SHROOM2: variants seen among roughly 807,000 people sequenced by gnomAD.
The protein encoded by SHROOM2 is shroom family member 2, also known as protein Shroom2.
Under a neutral mutation model 75.9 loss-of-function variants are expected in SHROOM2, and 33 were observed. The ratio of observed to expected loss-of-function variants is 0.43; its 90% confidence interval spans 0.33 to 0.58. The LOEUF is 0.58. SHROOM2 is among the 20% of genes least tolerant of loss of function. SHROOM2 has a pLI of 0.04. For synonymous variants in SHROOM2, 655 were observed against 663.6 expected, an observed-to-expected ratio of 0.99 and a Z score of 0.20; for missense variants, 1,434 against 1,461.2, an observed-to-expected ratio of 0.98 and a Z score of 0.30.
intron 1 of SHROOM2, chrX:9,819,483 T>C (rs2083840705): frequency 3.6e-6 from 1 of 279,070 alleles, no homozygotes; most frequent in African/African-American, 2.8e-5. Flanking sequence ...GGCTTATTGG[T>C]GGCTTTATCA....
intron 2 of SHROOM2, among the ~76,000 whole-genome samples, chrX:9,875,628 C>T (rs185881774): frequency 3.6e-5 from 4 of 112,165 alleles, no homozygotes; most frequent in Admixed American, 9.4e-5. Context: ...CATAGCTATG[C>T]GTAGAAATTC....
At chrX:9,796,119 C>T (rs2083693825) in intron 1 of SHROOM2, among the ~76,000 whole-genome samples, 1 of 111,400 alleles carries the variant, frequency 9.0e-6, no homozygotes, top group African/African-American at 3.3e-5. Context: ...ATTCAAATTC[C>T]CCCTCACTTC....
In SHROOM2 at chrX:9,816,580, CCTGCTGCTGCTG is replaced by C. The variant is rs112480338; in HGVS notation, c.165+29891_165+29902del. ...GTTTGTGGTTAGCTCAGCCTTACCC[CCTGCTGCTGCTG>C]CTGCTGCTGCTGCTGCTGCTACTTT... On this transcript the variant is annotated intron_variant, in intron 1 of 9. Transcript: ENST00000380913. 1.2e-3 allele frequency among the ~76,000 whole-genome samples: 125 copies of C among 102,548 alleles called. 1 individual carries two copies. Among genetic ancestry groups the C allele is most frequent in the Non-Finnish European group, 2.1e-3 (104 of 50,564 alleles). 89.1% of individuals were successfully genotyped at this position (102,548 alleles called of 115,157 possible).
intron 1 of SHROOM2, among the ~76,000 whole-genome samples, chrX:9,808,197 CTTGGGGGTGGTCGGGG>C (rs2083766804): frequency 1.8e-5 from 2 of 110,964 alleles, no homozygotes; most frequent in African/African-American, 6.6e-5. Context: ...AGTTCCTTTA[CTTGGGGGTGGTCGGGG>C]AGGCTGAAGG....
intron 1 of SHROOM2, among the ~76,000 whole-genome samples, chrX:9,812,981 A>T (rs2083799975): frequency 8.9e-6 from 1 of 112,374 alleles, no homozygotes; most frequent in South Asian, 3.7e-4. Context: ...ACGATAATCC[A>T]GTGTCATTCT....
At chrX:9,891,209 G>T in intron 3 of SHROOM2, 101 bp downstream of exon 3, 1 of 970,270 alleles carries the variant, frequency 1.0e-6, no homozygotes, top group East Asian at 3.6e-5. Flanking sequence ...ATGAGACTGG[G>T]CCACCGACAC....
In SHROOM2 at chrX:9,895,337, C is replaced by T. The variant is rs1361701384; in HGVS notation, c.1429C>T (p.Pro477Ser). The T allele has an allele frequency of 1.7e-6, 2 of 1,177,007 alleles. No individual in the cohort carries two copies. The highest frequency in any genetic ancestry group is 2.3e-6 in the Non-Finnish European group (2 of 878,277). ...DQKLGSGWQG[P>S]RPCVQGDLQA... is the part of the protein sequence containing the mutation. ...GAAGCTGGGGAGCGGCTGGCAGGGT[C>T]CCCGGCCCTGTGTGCAGGGAGACCT... The change falls in exon 4 of 10, where the codon CCC (proline) becomes TCC (serine). Residue 477 changes from proline to serine, a missense_variant. Physicochemically the swap from Pro to Ser is moderately conservative, Grantham distance 74. This residue lies in a region of SHROOM2 where 1,340 missense variants were observed against 1,338.3 expected (regional missense o/e 1.00). Coordinates refer to ENST00000380913, the MANE Select transcript of SHROOM2 (RefSeq NM_001649.4).
chrX:9,794,229 C>T (rs1023423706), intron 1 of SHROOM2, among the ~76,000 whole-genome samples: 1 of 111,907 alleles, frequency 8.9e-6, no homozygotes, highest in Non-Finnish European at 1.9e-5. Context: ...AACAACTCTG[C>T]GTGTAGCTTC....
intron 6 of SHROOM2, 104 bp downstream of exon 6, chrX:9,932,974 C>G (rs2084666244): frequency 1.5e-6 from 1 of 651,523 alleles, no homozygotes; most frequent in African/African-American, 2.2e-5. Context: ...TGCTTTAGCT[C>G]AAGGCGTTGG....
chrX:9,896,009 G>A lies in SHROOM2; in HGVS notation c.2101G>A (p.Asp701Asn), dbSNP rs760095030. ...GAGGGCCACGTCCTTCAAGCGCCGC[G>A]ACTTGGACCCCAACCCAGGAGACCT... Reference protein sequence around the residue: ...VLRATSFKRRDLDPNPGDLYP... With the variant: ...VLRATSFKRRNLDPNPGDLYP... Residue 701 changes from aspartate (D) to asparagine (N), a missense_variant, in exon 4 of 10, where the codon GAC becomes AAC. Asp to Asn is a conservative substitution (Grantham distance 23, BLOSUM62 1). Transcript: ENST00000380913. The A allele has an allele frequency of 3.3e-6, 4 of 1,209,384 alleles. No individual in the cohort carries two copies. The highest frequency in any genetic ancestry group is 2.2e-5 in the Admixed American group (1 of 46,006).
intron 1 of SHROOM2, among the ~76,000 whole-genome samples, chrX:9,823,069 C>G (rs866460610): frequency 1.6e-5 from 1 of 62,348 alleles, no homozygotes; most frequent in African/African-American, 6.1e-5. Context: ...CCTCCTCCTC[C>G]TCCTCCCTTC....
In SHROOM2 at chrX:9,937,608, C is replaced by T. The variant is rs1054584376; in HGVS notation, c.4062C>T (p.Asp1354=). The change falls in exon 7 of 10, where the codon GAC becomes GAT. Residue 1354 remains aspartate, a synonymous_variant. Transcript: ENST00000380913. The part of the protein sequence containing the change: ...MDLMEGIFPK[D]EHLLEEAQQR... Reference sequence around the variant, plus strand: ...TGATGGAAGGCATCTTCCCCAAAGACGAGCACCTCCTGGAAGAAGCCCAGC... The same window carrying T: ...TGATGGAAGGCATCTTCCCCAAAGATGAGCACCTCCTGGAAGAAGCCCAGC... 1.8e-5 allele frequency: 22 copies of T among 1,209,446 alleles called. No homozygotes were observed. The highest frequency in any genetic ancestry group is 3.5e-5 in the South Asian group (2 of 56,586).
intron 1 of SHROOM2, among the ~76,000 whole-genome samples, chrX:9,837,697 G>T (rs2083954317): frequency 8.9e-6 from 1 of 112,175 alleles, no homozygotes; most frequent in Non-Finnish European, 1.9e-5. Flanking sequence ...GCCTGGTCGT[G>T]TGCTTGATCT....
At chrX:9,801,837 T>G (rs755218592) in intron 1 of SHROOM2, among the ~76,000 whole-genome samples, 1 of 109,916 alleles carries the variant, frequency 9.1e-6, no homozygotes, top group Non-Finnish European at 1.9e-5. Flanking sequence ...GCACCTGTAG[T>G]CCAAGCTGCT....
chrX:9,919,356 G>A (rs1011016990), intron 5 of SHROOM2, among the ~76,000 whole-genome samples: 8 of 62,475 alleles, frequency 1.3e-4, no homozygotes, highest in Non-Finnish European at 2.0e-4. Context: ...TTTTTGAGAT[G>A]AAGTCTTGCT....
At chrX:9,838,320 A>G (rs1022623634) in intron 1 of SHROOM2, among the ~76,000 whole-genome samples, 5 of 110,463 alleles carry the variant, frequency 4.5e-5, no homozygotes, top group South Asian at 3.9e-4. Context: ...TCGGCCTCCC[A>G]AAGTGCTGGG....
chrX:9,915,417 G>A (rs1265557388), intron 5 of SHROOM2, among the ~76,000 whole-genome samples: 3 of 111,933 alleles, frequency 2.7e-5, no homozygotes, highest in African/African-American at 9.8e-5. Context: ...AGCTCTGTCA[G>A]CAAACTCAAT....
chrX:9,915,076 T>C (rs1601994748), intron 5 of SHROOM2, among the ~76,000 whole-genome samples: 1 of 112,295 alleles, frequency 8.9e-6, no homozygotes, highest in Non-Finnish European at 1.9e-5. Context: ...CTAAGCATTC[T>C]GACCCTCCAT....
chrX:9,842,201 G>C (rs950132845), intron 1 of SHROOM2, among the ~76,000 whole-genome samples: 1 of 112,037 alleles, frequency 8.9e-6, no homozygotes, highest in East Asian at 2.8e-4. Context: ...TTTAATACTC[G>C]TTAAGGCAAC....
Sources: allele counts gnomAD v4.1 joint callset (sites outside exome capture counted in the v4.1 genomes callset), GRCh38; gene constraint gnomAD v4.1.1; regional missense constraint gnomAD v4.1.1; transcripts MANE v1.5; gene names NCBI Gene and HGNC (gene_info 2026-07-23, HGNC 2026-07-21).